The following ADAM23 variants were observed in gnomAD, a reference collection of about 807,000 sequenced individuals.
ADAM23 encodes disintegrin and metalloproteinase domain-containing protein 23.
In ADAM23, 33 loss-of-function variants were observed where a neutral mutation model predicts 120.1. The ratio of observed to expected loss-of-function variants is 0.27; its 90% CI spans 0.21 to 0.37. The LOEUF (loss-of-function observed/expected upper bound fraction) is 0.37, where lower values mean the gene tolerates loss of function less well. ADAM23 is among the 10% of genes least tolerant of loss of function. The pLI, the probability that ADAM23 is intolerant of heterozygous loss-of-function variation, is 1.00. For synonymous variants in ADAM23, 367 were observed against 375.2 expected (o/e 0.98, Z 0.25); for missense variants, 862 against 1,058.2 (o/e 0.81, Z 2.57).
intron 2 of ADAM23, among the ~76,000 whole-genome samples, chr2:206,469,656 A>G (rs1695613572): frequency 6.6e-6 from 1 of 152,226 alleles, no homozygotes; most frequent in Non-Finnish European, 1.5e-5. Context: ...ATTCAGAATA[A>G]AAGGCAGAGT....
chr2:206,597,610 A>T (rs1364000198), intron 24 of ADAM23, among the ~76,000 whole-genome samples: 1 of 152,258 alleles, frequency 6.6e-6, no homozygotes, highest in East Asian at 1.9e-4. Context: ...AGCATCTGTT[A>T]CATTGTACCT....
chr2:206,467,399 G>C (rs1260175053), intron 2 of ADAM23, among the ~76,000 whole-genome samples: 1 of 152,230 alleles, frequency 6.6e-6, no homozygotes, highest in African/African-American at 2.4e-5. Flanking sequence ...TCAGCGAAAA[G>C]AAAGGGGCTT....
intron 9 of ADAM23, among the ~76,000 whole-genome samples, chr2:206,550,800 AC>A (rs1697507384): frequency 6.6e-6 from 1 of 152,054 alleles, no homozygotes; most frequent in Admixed American, 6.6e-5. Context: ...ACGGGGTTTC[AC>A]CGCCTTAGCG....
chr2:206,534,963 T>C (rs965562756), intron 4 of ADAM23, among the ~76,000 whole-genome samples: 1 of 150,220 alleles, frequency 6.7e-6, no homozygotes, highest in Non-Finnish European at 1.5e-5. Context: ...CCTTTTTTTT[T>C]CTTTTTTTTT....
intron 24 of ADAM23, among the ~76,000 whole-genome samples, chr2:206,608,448 C>A (rs1174805602): frequency 6.6e-6 from 1 of 152,134 alleles, no homozygotes; most frequent in Non-Finnish European, 1.5e-5. Flanking sequence ...TAGTTCCCAC[C>A]TCATACGATT....
intron 25 of ADAM23, among the ~76,000 whole-genome samples, chr2:206,616,586 G>T (rs1698938825): frequency 2.0e-5 from 3 of 152,110 alleles, no homozygotes; most frequent in Admixed American, 2.0e-4. Context: ...TGAATTACTT[G>T]TGGGGGAGGA....
intron 3 of ADAM23, among the ~76,000 whole-genome samples, chr2:206,494,064 C>T (rs562140420): frequency 4.6e-5 from 7 of 152,308 alleles, no homozygotes; most frequent in Non-Finnish European, 8.8e-5. Flanking sequence ...ATGATCACCA[C>T]GCTCAAGCTA....
chr2:206,519,624 G>A (rs962529580), intron 3 of ADAM23, among the ~76,000 whole-genome samples: 4 of 152,246 alleles, frequency 2.6e-5, no homozygotes, highest in African/African-American at 9.6e-5. Context: ...CTTCTTGGTA[G>A]GTTGTGTTCT....
intron 24 of ADAM23, among the ~76,000 whole-genome samples, chr2:206,603,570 A>C (rs1388178215): frequency 6.6e-6 from 1 of 152,186 alleles, no homozygotes; most frequent in African/African-American, 2.4e-5. Context: ...AACTTGCTTT[A>C]GCGTTAAGAG....
chr2:206,476,255 C>T (rs1695772966), intron 2 of ADAM23, among the ~76,000 whole-genome samples: 1 of 152,250 alleles, frequency 6.6e-6, no homozygotes, highest in African/African-American at 2.4e-5. Context: ...ATGTTTCGTT[C>T]ATTACTTAAA....
chr2:206,595,042 G>A (rs112110571), intron 23 of ADAM23, 137 bp downstream of exon 23: 13 of 1,084,978 alleles, frequency 1.2e-5, no homozygotes, highest in South Asian at 6.5e-5. Context: ...ATAGCTGGGC[G>A]TGGTGGTGGG....
intron 3 of ADAM23, among the ~76,000 whole-genome samples, chr2:206,487,866 G>A (rs529732397): frequency 2.3e-4 from 35 of 152,186 alleles, no homozygotes; most frequent in African/African-American, 7.2e-4. Flanking sequence ...GGAGAACTCC[G>A]GGTGAAATCA....
At chr2:206,612,861 T>G (rs565525610) in intron 25 of ADAM23, among the ~76,000 whole-genome samples, 3 of 152,358 alleles carry the variant, frequency 2.0e-5, no homozygotes, top group African/African-American at 7.2e-5. Context: ...ATTATTATAA[T>G]CTGAAAATAA....
At chr2:206,587,412 A>G (rs1376543152) in intron 19 of ADAM23, 37 bp downstream of exon 19, 7 of 1,484,000 alleles carry the variant, frequency 4.7e-6, no homozygotes, top group South Asian at 1.3e-5. Flanking sequence ...TAATTTAAAA[A>G]GGATTCATTG....
chr2:206,555,280 T>C (rs561035099), intron 9 of ADAM23, among the ~76,000 whole-genome samples: 44 of 152,324 alleles, frequency 2.9e-4, no homozygotes, highest in African/African-American at 1.0e-3. Context: ...GTCTCTCTTA[T>C]TATTTTAAGT....
intron 4 of ADAM23, among the ~76,000 whole-genome samples, chr2:206,540,883 A>C (rs1178358123): frequency 2.6e-5 from 4 of 150,956 alleles, no homozygotes; most frequent in Admixed American, 1.3e-4. Flanking sequence ...GATAGGAGAG[A>C]ATTCTCAGCT....
intron 2 of ADAM23, among the ~76,000 whole-genome samples, chr2:206,480,848 AT>A (rs1459239073): frequency 1.3e-5 from 2 of 152,170 alleles, no homozygotes; most frequent in Non-Finnish European, 2.9e-5. Flanking sequence ...CACTGACATG[AT>A]TTTTCACTTA....
At chr2:206,502,092 G>T (rs954643685) in intron 3 of ADAM23, among the ~76,000 whole-genome samples, 2 of 152,118 alleles carry the variant, frequency 1.3e-5, no homozygotes, top group African/African-American at 2.4e-5. Flanking sequence ...TTTGGGGAAT[G>T]ATGGTGGTGT....
At chr2:206,597,178 CTTT>C (rs1173847537) in intron 24 of ADAM23, among the ~76,000 whole-genome samples, 2 of 126,106 alleles carry the variant, frequency 1.6e-5, no homozygotes, top group Non-Finnish European at 1.7e-5. Flanking sequence ...CTTACATCAT[CTTT>C]TTTTTTTTTT....
Sources: gnomAD v4.1 joint callset for allele counts (sites outside exome capture counted in the v4.1 genomes callset) on GRCh38, gnomAD v4.1.1 for gene constraint, MANE v1.5 for transcripts, NCBI Gene and HGNC (gene_info 2026-07-23, HGNC 2026-07-21) for gene names.